Variants in STXBP6 observed in about 807,000 individuals in gnomAD.
STXBP6 encodes syntaxin-binding protein 6.
In STXBP6, 21 loss-of-function variants were observed where a neutral mutation model predicts 26.9. That is an observed-to-expected ratio of 0.78 (90% CI 0.55 to 1.12). STXBP6 has a LOEUF of 1.12. STXBP6 is among the 50% of genes most tolerant of loss of function. The probability of loss-of-function intolerance (pLI) is 0.00; values close to 1 mark genes in which losing one functional copy is unlikely to be tolerated. For missense variants in STXBP6, 232 were observed against 257.9 expected, an observed-to-expected ratio of 0.90 and a Z score of 0.69; for synonymous variants, 97 against 92.6, an observed-to-expected ratio of 1.05 and a Z score of -0.27.
intron 1 of STXBP6, among the ~76,000 whole-genome samples, chr14:24,985,889 A>G (rs895794867): frequency 1.8e-4 from 27 of 152,348 alleles, no homozygotes; most frequent in African/African-American, 5.8e-4. Flanking sequence ...CACTTAACAC[A>G]TAAGGAAACT....
At chr14:24,951,900 T>G (rs1222599429) in intron 2 of STXBP6, among the ~76,000 whole-genome samples, 1 of 151,952 alleles carries the variant, frequency 6.6e-6, no homozygotes. Context: ...AATTTACATC[T>G]ATGAAATATA....
At chr14:24,959,377 G>A (rs546758954) in intron 2 of STXBP6, among the ~76,000 whole-genome samples, 37 of 152,256 alleles carry the variant, frequency 2.4e-4, no homozygotes, top group Non-Finnish European at 4.9e-4. Flanking sequence ...TAGTTGGACA[G>A]GTCACCTGAG....
chr14:25,046,632 C>T (rs954237974), intron 1 of STXBP6, among the ~76,000 whole-genome samples: 13 of 152,160 alleles, frequency 8.5e-5, no homozygotes, highest in Non-Finnish European at 1.8e-4. Context: ...AACTTTATTT[C>T]TTCCTTAGGA....
intron 4 of STXBP6, among the ~76,000 whole-genome samples, chr14:24,827,302 C>T (rs1368411913): frequency 1.3e-5 from 2 of 152,200 alleles, no homozygotes; most frequent in Middle Eastern, 6.3e-3. Context: ...GCTAATAATG[C>T]AGTATGTGCT....
intron 5 of STXBP6, among the ~76,000 whole-genome samples, chr14:24,813,056 G>T (rs2067868997): frequency 6.6e-6 from 1 of 152,138 alleles, no homozygotes; most frequent in South Asian, 2.1e-4. Flanking sequence ...CAGAATGAAT[G>T]AATTACCCTA....
At chr14:24,921,715 G>A (rs2071984413) in intron 2 of STXBP6, among the ~76,000 whole-genome samples, 1 of 152,084 alleles carries the variant, frequency 6.6e-6, no homozygotes, top group Admixed American at 6.6e-5. Flanking sequence ...GGGAAAGTCA[G>A]GCGGCAAATT....
At chr14:25,041,846 T>A (rs563051079) in intron 1 of STXBP6, among the ~76,000 whole-genome samples, 10 of 152,326 alleles carry the variant, frequency 6.6e-5, no homozygotes, top group Admixed American at 4.6e-4. Flanking sequence ...TGCCCTGGCA[T>A]TGTAACAAAG....
chr14:24,957,289 C>G (rs2073374660), intron 2 of STXBP6, among the ~76,000 whole-genome samples: 1 of 152,196 alleles, frequency 6.6e-6, no homozygotes, highest in Non-Finnish European at 1.5e-5. Flanking sequence ...AAGCATCTAG[C>G]CTTGGTTTAA....
intron 1 of STXBP6, among the ~76,000 whole-genome samples, chr14:25,044,193 A>AAAAAG (rs1478424809): frequency 6.6e-6 from 1 of 151,548 alleles, no homozygotes; most frequent in Admixed American, 6.6e-5. Flanking sequence ...AAAAAAAAAA[A>AAAAAG]AGGAATACGG....
intron 2 of STXBP6, among the ~76,000 whole-genome samples, chr14:24,882,537 A>C (rs1595037356): frequency 6.6e-6 from 1 of 151,968 alleles, no homozygotes; most frequent in African/African-American, 2.4e-5. Flanking sequence ...ACCCAATCAC[A>C]GAGCTGCCTT....
intron 1 of STXBP6, among the ~76,000 whole-genome samples, chr14:25,018,019 A>G (rs1005186466): frequency 9.9e-5 from 15 of 152,184 alleles, no homozygotes; most frequent in Non-Finnish European, 1.9e-4. Flanking sequence ...AGCAATCACA[A>G]GACTTCTCTA....
chr14:24,832,767 C>G (rs1403652147), intron 4 of STXBP6, among the ~76,000 whole-genome samples: 1 of 152,166 alleles, frequency 6.6e-6, no homozygotes, highest in Non-Finnish European at 1.5e-5. Flanking sequence ...TAACAAGATA[C>G]AAACCAAAGG....
chr14:24,871,903 T>C (rs769076913), intron 2 of STXBP6, among the ~76,000 whole-genome samples: 9 of 152,184 alleles, frequency 5.9e-5, no homozygotes, highest in South Asian at 2.1e-4. Context: ...AGGCAATGCA[T>C]CTGCTCGAGA....
At chr14:24,987,717 C>A (rs909280919) in intron 1 of STXBP6, among the ~76,000 whole-genome samples, 2 of 152,254 alleles carry the variant, frequency 1.3e-5, no homozygotes, top group Non-Finnish European at 2.9e-5. Context: ...TAGGGAATGG[C>A]CAGCCTAAGC....
At chr14:24,817,603 G>A (rs2138712900) in intron 5 of STXBP6, 1 of 162,328 alleles carries the variant, frequency 6.2e-6, no homozygotes, top group African/African-American at 2.4e-5. Context: ...TGAAATCACG[G>A]AAGCTGCTGT....
chr14:24,972,068 C>T (rs1309098124), intron 2 of STXBP6, among the ~76,000 whole-genome samples: 1 of 152,122 alleles, frequency 6.6e-6, no homozygotes, highest in Non-Finnish European at 1.5e-5. Context: ...CATCAAACTG[C>T]AAAAATCTTG....
intron 2 of STXBP6, among the ~76,000 whole-genome samples, chr14:24,950,087 T>C (rs540292442): frequency 6.6e-5 from 10 of 152,328 alleles, no homozygotes; most frequent in Non-Finnish European, 8.8e-5. Context: ...ATCTAAAATC[T>C]TTCTTTTAAC....
intron 2 of STXBP6, among the ~76,000 whole-genome samples, chr14:24,971,375 T>C (rs1283641907): frequency 6.6e-6 from 1 of 152,232 alleles, no homozygotes; most frequent in Non-Finnish European, 1.5e-5. Flanking sequence ...TCAAGAATGG[T>C]TAAAAATTAT....
chr14:24,842,278 G>A (rs886947255), intron 4 of STXBP6, among the ~76,000 whole-genome samples: 1 of 152,128 alleles, frequency 6.6e-6, no homozygotes, highest in Non-Finnish European at 1.5e-5. Context: ...AAGAAGACTT[G>A]GTACCAAGCA....
Sources: gnomAD v4.1 joint callset for allele counts (sites outside exome capture counted in the v4.1 genomes callset) on GRCh38, gnomAD v4.1.1 for gene constraint, MANE v1.5 for transcripts, NCBI Gene and HGNC (gene_info 2026-07-23, HGNC 2026-07-21) for gene names.